Variants in TACC3 observed in about 807,000 individuals in gnomAD.
The protein encoded by TACC3 is transforming acidic coiled-coil containing protein 3.
A neutral mutation model predicts 86.0 loss-of-function variants in TACC3; 52 were observed. The ratio of observed to expected loss-of-function variants is 0.60; its 90% CI spans 0.48 to 0.76. The LOEUF (loss-of-function observed/expected upper bound fraction) is 0.76, where lower values mean the gene tolerates loss of function less well. TACC3 is among the 30% of genes least tolerant of loss of function. The pLI, the probability that TACC3 is intolerant of heterozygous loss-of-function variation, is 0.00. For missense variants in TACC3, 1,120 were observed against 1,070.4 expected (o/e 1.05, Z -0.65); for synonymous variants, 512 against 430.0 (o/e 1.19, Z -2.36).
Position 1,735,418 on chromosome 4 carries a change from C to A in TACC3, c.1644+93C>A. The A allele has an allele frequency of 7.0e-7, 1 of 1,432,914 alleles. No homozygotes were observed. Among genetic ancestry groups the A allele is most frequent in the Non-Finnish European group, 9.8e-7 (1 of 1,021,006 alleles). 88.8% of individuals were successfully genotyped at this position (1,432,914 alleles called of 1,614,324 possible). A position where few individuals can be genotyped will look rare whatever the true frequency, so the allele number is the denominator to read the frequency against. ...CCCCCGGAGCGTCCCTTGGTGCCCA[C>A]GTCCCCCCAGCTGCACACAGGCCCA... On this transcript the variant is annotated intron_variant, in intron 7 of 15. Coordinates refer to ENST00000313288, the MANE Select transcript of TACC3 (RefSeq NM_006342.3). The surrounding 1 kb of genome is among the most constrained non-coding windows in gnomAD (Gnocchi z 4.2).
At position 1,728,543 on chromosome 4, in the gene TACC3, G is replaced by A. The variant is rs377096121; in HGVS notation, c.1141G>A (p.Val381Met). 417 of 1,613,906 alleles carry A rather than the reference G, an allele frequency of 2.6e-4. No homozygotes were observed. The highest frequency in any genetic ancestry group is 3.4e-4 in the Non-Finnish European group (406 of 1,179,998). Residue 381 changes from valine (V) to methionine (M), a missense_variant, in exon 4 of 16, where the codon GTG becomes ATG. By Grantham distance (21) the Val-to-Met change is conservative. Coordinates refer to ENST00000313288, the MANE Select transcript of TACC3 (RefSeq NM_006342.3). ...AVRQQKAPQE[V>M]EEDDGRSGAG... The stretch of plus-strand genomic sequence containing the variant: ...GAGGCAGCAAAAGGCCCCGCAGGAG[G>A]TGGAGGAGGACGACGGTAGGAGCGG...
At chr4:1,743,484 C>T (rs1285664362) in intron 13 of TACC3, among the ~76,000 whole-genome samples, 1 of 151,518 alleles carries the variant, frequency 6.6e-6, no homozygotes. Flanking sequence ...ATCCGGGAGG[C>T]GGAGGTTGCA....
At chr4:1,737,415 G>C (rs1718331249) in intron 9 of TACC3, 87 bp downstream of exon 9, 1 of 1,370,856 alleles carries the variant, frequency 7.3e-7, no homozygotes, top group Non-Finnish European at 1.0e-6. Context: ...TATTCCTGGG[G>C]GTCTGAGCCT....
chr4:1,737,100 C>CT (rs1718309916), intron 8 of TACC3, 141 bp from the exon 9 acceptor site: 2 of 661,930 alleles, frequency 3.0e-6, no homozygotes, highest in Admixed American at 5.0e-5. Context: ...GGATGCGGGT[C>CT]TGCGTTTTCT....
At position 1,735,760 on chromosome 4, in the gene TACC3, C is replaced by T. The variant is rs751451490; in HGVS notation, c.1674C>T (p.Ser558=). The T allele has an allele frequency of 6.2e-7, 1 of 1,613,230 alleles. No individual in the cohort carries two copies. The highest frequency in any genetic ancestry group is 2.2e-5 in the East Asian group (1 of 44,860). Reference sequence around the variant, plus strand: ...AGGAGTCGGCCTTGAGGAAGCAGTCCTTATACCTCAAGTTCGACCCCCTCC... The same window carrying T: ...AGGAGTCGGCCTTGAGGAAGCAGTCTTTATACCTCAAGTTCGACCCCCTCC... ...SFKESALRKQ[S]LYLKFDPLLR... The change falls in exon 8 of 16, where the codon TCC becomes TCT. Residue 558 remains serine, a synonymous_variant. Transcript: ENST00000313288. The surrounding 1 kb of genome is among the most constrained non-coding windows in gnomAD (Gnocchi z 4.2).
chr4:1,720,878 C>A (rs1472365972), upstream of TACC3: 1 of 1,531,378 alleles, frequency 6.5e-7, no homozygotes, highest in Non-Finnish European at 8.8e-7. The surrounding 1 kb of genome is among the most constrained non-coding windows in gnomAD (Gnocchi z 4.4). Context: ...GCCCCCGCCC[C>A]GGCGCGCGGA....
intron 13 of TACC3, 98 bp from the exon 14 acceptor site, chr4:1,744,420 C>T (rs1053540191): frequency 2.6e-6 from 3 of 1,150,376 alleles, no homozygotes; most frequent in African/African-American, 1.5e-5. Context: ...GGCTGATGCC[C>T]CAGACAGCCT....
chr4:1,744,572 G>A lies in TACC3; in HGVS notation c.2278G>A (p.Glu760Lys), dbSNP rs766573580. ...GGATTACCTGGCAAGGATCACCCAG[G>A]AGGGCCAGAGGTACCAAGCCCTGAA... ...VEDYLARITQEGQRYQALKAH... is the reference protein window; with the variant it reads ...VEDYLARITQKGQRYQALKAH... Residue 760 changes from glutamate to lysine, a missense_variant, in exon 14 of 16, where the codon GAG (glutamate) becomes AAG (lysine). Coordinates refer to ENST00000313288, the MANE Select transcript of TACC3 (RefSeq NM_006342.3). The A allele has an allele frequency of 1.9e-6, 3 of 1,613,266 alleles. No homozygotes were observed. Among genetic ancestry groups the A allele is most frequent in the Non-Finnish European group, 1.7e-6 (2 of 1,180,006 alleles).
At chr4:1,722,136 G>T (rs1163216124) in intron 1 of TACC3, among the ~76,000 whole-genome samples, 1 of 152,084 alleles carries the variant, frequency 6.6e-6, no homozygotes, top group Non-Finnish European at 1.5e-5. Context: ...TCCCTCTTGT[G>T]CACCAGAGTA....
intron 13 of TACC3, among the ~76,000 whole-genome samples, chr4:1,742,422 C>A (rs572083838): frequency 6.6e-6 from 1 of 152,242 alleles, no homozygotes; most frequent in Non-Finnish European, 1.5e-5. Context: ...GGCCACCTCC[C>A]TACTTCCTCA....
chr4:1,728,047 G>C lies in TACC3; in HGVS notation c.645G>C (p.Glu215Asp). Residue 215 changes from glutamate to aspartate, a missense_variant, in exon 4 of 16, where the codon GAG becomes GAC. By Grantham distance (45) the Glu-to-Asp change is conservative. Coordinates refer to ENST00000313288, the MANE Select transcript of TACC3 (RefSeq NM_006342.3). The stretch of plus-strand genomic sequence containing the variant: ...GGACAGAGTCCCAGCACAAAGCGGA[G>C]ACTCCGCACGGAGCCGAGGAAGAAT... ...PCRTESQHKA[E>D]TPHGAEEECK... 6.5e-7 allele frequency: 1 copy of C among 1,542,482 alleles called. No homozygotes were observed. Among genetic ancestry groups the C allele is most frequent in the Non-Finnish European group, 8.8e-7 (1 of 1,141,568 alleles).
chr4:1,723,355 C>A, intron 1 of TACC3, 66 bp from the exon 2 acceptor site: 2 of 1,542,224 alleles, frequency 1.3e-6, no homozygotes, highest in Non-Finnish European at 1.8e-6. Flanking sequence ...GCAGCTGTCA[C>A]GTCTGTGTCT....
chr4:1,730,041 T>C (rs181075682), intron 4 of TACC3, among the ~76,000 whole-genome samples: 1 of 152,110 alleles, frequency 6.6e-6, no homozygotes, highest in Non-Finnish European at 1.5e-5. Flanking sequence ...GTTATTTGTT[T>C]GTTTGTTTGT....
At chr4:1,723,011 C>G (rs1206151439) in intron 1 of TACC3, 2 of 182,464 alleles carry the variant, frequency 1.1e-5, no homozygotes, top group South Asian at 1.9e-4. Flanking sequence ...CACGCAGAGG[C>G]CTGTGGGGAG....
At chr4:1,741,172 C>T in intron 13 of TACC3, 186 bp downstream of exon 13, 2 of 517,414 alleles carry the variant, frequency 3.9e-6, no homozygotes, top group Non-Finnish European at 6.6e-6. Flanking sequence ...GTTTGCGAGG[C>T]AGCTGAGGGC....
At chr4:1,721,802 A>G (rs1245899801) in intron 1 of TACC3, 159 bp downstream of exon 1, 1 of 151,760 alleles carries the variant, frequency 6.6e-6, no homozygotes, top group Non-Finnish European at 1.5e-5. Context: ...CAGAACCTGT[A>G]CCGCGCCCTG....
rs753206148 is a variant in TACC3, at chr4:1,727,799, A to C, written c.397A>C (p.Ser133Arg). The change falls in exon 4 of 16, where the codon AGC becomes CGC. Residue 133 changes from serine (S) to arginine (R), a missense_variant. Coordinates refer to ENST00000313288, the MANE Select transcript of TACC3 (RefSeq NM_006342.3). ...EADTDLLGDA[S>R]PAFGSGSSSE... ...TGACACCGACCTCCTGGGGGATGCA[A>C]GCCCAGCCTTTGGGAGTGGCAGCTC... The C allele has an allele frequency of 3.1e-6, 5 of 1,613,308 alleles. No homozygotes were observed. Among genetic ancestry groups the C allele is most frequent in the Non-Finnish European group, 4.2e-6 (5 of 1,179,964 alleles).
At chr4:1,737,525 T>C (rs41286677) in intron 9 of TACC3, 73 bp from the exon 10 acceptor site, 304,272 of 1,278,470 alleles carry the variant, frequency 0.24, 37,640 homozygotes, top group Non-Finnish European at 0.26. Context: ...TGTGGGCCTT[T>C]CCTCCCTCAC....
chr4:1,742,587 G>A (rs957466010), intron 13 of TACC3, among the ~76,000 whole-genome samples: 4 of 152,184 alleles, frequency 2.6e-5, no homozygotes, highest in Non-Finnish European at 5.9e-5. Flanking sequence ...GATCACTTGA[G>A]GTCAGGAGTT....
Sources: gnomAD v4.1 joint callset for allele counts (sites outside exome capture counted in the v4.1 genomes callset) on GRCh38, gnomAD v4.1.1 for gene constraint, Gnocchi (gnomAD v3.1) non-coding constraint, MANE v1.5 for transcripts, NCBI Gene and HGNC (gene_info 2026-07-23, HGNC 2026-07-21) for gene names.